The following LMNB2 variants were observed in gnomAD, a reference collection of about 807,000 sequenced individuals.
LMNB2 encodes lamin B2.
Under a neutral mutation model 69.3 loss-of-function variants are expected in LMNB2, and 17 were observed. That is an observed-to-expected ratio of 0.25 (90% CI 0.17 to 0.37). LMNB2 has a LOEUF of 0.37. Among genes scored for constraint, LMNB2 ranks in the 10% least tolerant of loss-of-function variants. The pLI is 1.00. For missense variants in LMNB2, 789 were observed against 883.6 expected (o/e 0.89, Z 1.36); for synonymous variants, 397 against 389.3 (o/e 1.02, Z -0.23).
At chr19:2,455,410 TG>T (rs939698405) in intron 1 of LMNB2, among the ~76,000 whole-genome samples, 5 of 151,052 alleles carry the variant, frequency 3.3e-5, no homozygotes, top group Non-Finnish European at 5.9e-5. Flanking sequence ...CCCCCTCAGT[TG>T]GGGGGGGTCC....
chr19:2,434,753 A>AG lies in LMNB2; in HGVS notation c.981+34dup, dbSNP rs1186593885. On this transcript the variant is annotated intron_variant, in intron 6 of 11. Coordinates refer to ENST00000325327, the MANE Select transcript of LMNB2 (RefSeq NM_032737.4). The stretch of plus-strand genomic sequence containing the variant: ...CAGGGCAGGGCCCAGAAGTTGGGCC[A>AG]GGGGGACGGCAGACGGTGGCGCTGT... The AG allele has an allele frequency of 3.8e-6, 6 of 1,584,394 alleles. No homozygotes were observed. The South Asian group carries it at 5.7e-5, about 15-fold the overall frequency.
rs1162777832 is a variant in LMNB2, at chr19:2,438,418, C to T, written c.515G>A (p.Gly172Asp). 6.2e-7 allele frequency: 1 copy of T among 1,612,690 alleles called. No individual in the cohort carries two copies. The highest frequency in any genetic ancestry group is 1.7e-5 in the Admixed American group (1 of 59,992). The change falls in exon 3 of 12, where the codon GGC (glycine) becomes GAC (aspartate). Residue 172 changes from glycine to aspartate, a missense_variant. Coordinates refer to ENST00000325327, the MANE Select transcript of LMNB2 (RefSeq NM_032737.4). ...CAGCTCAGCCACGTCACTCTCCAGG[C>T]CGCGCTTGTCGCTGAGGGCAGCTGC... ...ELAAALSDKR[G>D]LESDVAELRA...
intron 4 of LMNB2, among the ~76,000 whole-genome samples, chr19:2,437,471 G>C (rs965549265): frequency 3.3e-5 from 5 of 152,360 alleles, no homozygotes; most frequent in African/African-American, 1.2e-4. Context: ...CTTTTAGAAA[G>C]GCAAGAAATC....
chr19:2,436,120 C>T (rs1162335339), intron 4 of LMNB2, among the ~76,000 whole-genome samples: 3 of 151,986 alleles, frequency 2.0e-5, no homozygotes, highest in African/African-American at 7.2e-5. Context: ...CCCGTCTGTA[C>T]TAAAAATACA....
intron 4 of LMNB2, among the ~76,000 whole-genome samples, 158 bp downstream of exon 4, chr19:2,438,005 C>A (rs573529743): frequency 5.9e-5 from 9 of 152,294 alleles, no homozygotes; most frequent in African/African-American, 2.2e-4. Context: ...GGAGACGCAG[C>A]CGAAGCCAAG....
intron 1 of LMNB2, among the ~76,000 whole-genome samples, chr19:2,448,622 C>T (rs529362754): frequency 3.9e-5 from 6 of 152,020 alleles, no homozygotes; most frequent in Non-Finnish European, 5.9e-5. Context: ...CTGAGGTGGG[C>T]GGATTACGAG....
In LMNB2 at chr19:2,456,874, G is replaced by A; in HGVS notation, c.60C>T (p.Thr20=). 2 of 1,127,258 alleles carry A rather than the reference G, an allele frequency of 1.8e-6. No homozygotes were observed. The highest frequency in any genetic ancestry group is 4.9e-5 in the East Asian group (1 of 20,270). The allele number at this position is 1,127,258 out of a possible 1,614,324, so 69.8% of individuals were successfully genotyped here. Residue 20 remains threonine (T), a synonymous_variant, in exon 1 of 12, where the codon ACC becomes ACT. Transcript: ENST00000325327. ...REQRRPRAAA[T]MATPLPGRAG... is the part of the protein sequence containing the mutation. ...CGCGGCCGGGCAGCGGCGTGGCCAT[G>A]GTGGCGGCGGCTCGCGGCCTGCGCT...
At chr19:2,445,192 G>A (rs1971941740) in intron 1 of LMNB2, among the ~76,000 whole-genome samples, 1 of 149,696 alleles carries the variant, frequency 6.7e-6, no homozygotes, top group African/African-American at 2.5e-5. Flanking sequence ...TTGCAACCTG[G>A]AGTCCCCTCC....
chr19:2,443,429 T>A lies in LMNB2; in HGVS notation c.401+975A>T, dbSNP rs1971919178. On this transcript the variant is annotated intron_variant, in intron 2 of 11. Coordinates refer to ENST00000325327, the MANE Select transcript of LMNB2 (RefSeq NM_032737.4). The surrounding 1 kb of genome is among the most constrained non-coding windows in gnomAD (Gnocchi z 6.2). ...TCCCCGGTCATTCCTCTGGCCACAC[T>A]CCAACTCAGGGACAACGTGGATTCT... Among the ~76,000 whole-genome samples, 1 of 152,120 alleles carries A rather than the reference T, an allele frequency of 6.6e-6. No homozygotes were observed. Among genetic ancestry groups the A allele is most frequent in the African/African-American group, 2.4e-5 (1 of 41,414 alleles).
chr19:2,432,338 AGTCC>A, intron 9 of LMNB2, 74 bp downstream of exon 9: 1 of 981,328 alleles, frequency 1.0e-6, no homozygotes, highest in Non-Finnish European at 1.6e-6. Flanking sequence ...ACCCCCGCCA[AGTCC>A]TGTGCCTCCA....
intron 2 of LMNB2, among the ~76,000 whole-genome samples, chr19:2,444,191 C>A (rs1465284475): frequency 6.6e-6 from 1 of 152,228 alleles, no homozygotes; most frequent in Non-Finnish European, 1.5e-5. Flanking sequence ...AGCTGCCCTG[C>A]GCTTCCTGCT....
Position 2,430,843 on chromosome 19 carries a change from G to T in LMNB2, c.*68C>A, listed in dbSNP as rs1022315391. On this transcript the variant is annotated 3_prime_UTR_variant, in exon 12 of 12. Coordinates refer to ENST00000325327, the MANE Select transcript of LMNB2 (RefSeq NM_032737.4). ...AGAAATGTATCAAGAACTAAAGAAA[G>T]CCAATGATATAAAAATAGTTTTCAG... 33 of 1,020,494 alleles carry T rather than the reference G, an allele frequency of 3.2e-5. 1 individual carries two copies. Among genetic ancestry groups the T allele is most frequent in the Non-Finnish European group, 5.0e-5 (32 of 637,500 alleles). The allele number at this position is 1,020,494 out of a possible 1,614,324, so 63.2% of individuals were successfully genotyped here.
intron 11 of LMNB2, 21 bp from the exon 12 acceptor site, chr19:2,430,973 A>ACC: frequency 1.3e-6 from 2 of 1,598,562 alleles, no homozygotes; most frequent in Non-Finnish European, 1.7e-6. Context: ...GAAGGAAGGA[A>ACC]GGTCGGCCAT....
Position 2,434,520 on chromosome 19 carries a change from G to A in LMNB2, c.982-5C>T, listed in dbSNP as rs759160292. 6.6e-5 allele frequency: 107 copies of A among 1,611,074 alleles called. No individual in the cohort carries two copies. Among genetic ancestry groups the A allele is most frequent in the Non-Finnish European group, 7.9e-5 (93 of 1,179,788 alleles). ...GCGATCTTCAGCGGCACTGGCCTGC[G>A]GAGGGGGCGGGTGGCGAAGGTCAGG... On this transcript the variant is annotated splice_polypyrimidine_tract_variant and splice_region_variant and intron_variant, in intron 6 of 11. Transcript: ENST00000325327.
At position 2,434,678 on chromosome 19, in the gene LMNB2, C is replaced by A. The variant is rs938815280; in HGVS notation, c.981+110G>T. The A allele has an allele frequency of 2.6e-6, 4 of 1,510,834 alleles. No individual in the cohort carries two copies. In the African/African-American group the frequency reaches 5.5e-5, roughly 21 times the overall value. The allele number at this position is 1,510,834 out of a possible 1,614,324, so 93.6% of individuals were successfully genotyped here. A position where few individuals can be genotyped will look rare whatever the true frequency, so the allele number is the denominator to read the frequency against. On this transcript the variant is annotated intron_variant, in intron 6 of 11. Coordinates refer to ENST00000325327, the MANE Select transcript of LMNB2 (RefSeq NM_032737.4). ...AGGGAAGGGGCATCGCTGGGCGCCC[C>A]GAGGGCTGCATCCGATGCCAAGAGG... is the stretch of plus-strand genomic sequence containing the variant.
chr19:2,439,660 C>T lies in LMNB2; in HGVS notation c.402-1129G>A, dbSNP rs547889997. 3.0e-4 allele frequency among the ~76,000 whole-genome samples: 45 copies of T among 152,074 alleles called. 1 individual carries two copies. The highest frequency in any genetic ancestry group is 9.9e-4 in the African/African-American group (41 of 41,470). ...AAAGAACATCCACATCCAGGCGGCT[C>T]GAGCCCGTGGCCAGAGGTCAGAAGT... is the stretch of plus-strand genomic sequence containing the variant. On this transcript the variant is annotated intron_variant, in intron 2 of 11. Coordinates refer to ENST00000325327, the MANE Select transcript of LMNB2 (RefSeq NM_032737.4).
In LMNB2 at chr19:2,443,982, C is replaced by A. The variant is rs576554425; in HGVS notation, c.401+422G>T. ...GAGCGTCCCAACAGCTGGGACAAAA[C>A]CCCGGCACCAAGAACATCCAACCAC... On this transcript the variant is annotated intron_variant, in intron 2 of 11. Transcript: ENST00000325327. The surrounding 1 kb of genome is among the most constrained non-coding windows in gnomAD (Gnocchi z 6.2). Among the ~76,000 whole-genome samples the A allele has an allele frequency of 2.3e-4, 35 of 152,260 alleles. No homozygotes were observed. In the South Asian group the frequency reaches 5.8e-3, roughly 25 times the overall value.
chr19:2,450,996 T>A (rs1305835900), intron 1 of LMNB2, among the ~76,000 whole-genome samples: 3 of 151,364 alleles, frequency 2.0e-5, no homozygotes, highest in Admixed American at 6.6e-5. Context: ...ATCCCAGCAC[T>A]TTGGGAGGCA....
intron 1 of LMNB2, among the ~76,000 whole-genome samples, chr19:2,451,460 C>T (rs975638074): frequency 3.3e-5 from 5 of 152,230 alleles, no homozygotes; most frequent in Admixed American, 6.5e-5. Context: ...GTCTGCTGAC[C>T]ATGCCTGGTC....
Sources: allele counts gnomAD v4.1 joint callset (sites outside exome capture counted in the v4.1 genomes callset), GRCh38; gene constraint gnomAD v4.1.1; non-coding constraint Gnocchi (gnomAD v3.1); transcripts MANE v1.5; gene names NCBI Gene and HGNC (gene_info 2026-07-23, HGNC 2026-07-21).